RAB6B: variants seen among roughly 807,000 people sequenced by gnomAD.
RAB6B encodes the protein RAB6B, member RAS oncogene family, also known as ras-related protein Rab-6B.
In RAB6B, 7 loss-of-function variants were observed where a neutral mutation model predicts 31.2. The observed-to-expected ratio is 0.22, with a 90% CI of 0.13 to 0.42. The LOEUF (loss-of-function observed/expected upper bound fraction) is 0.42. Ranked by LOEUF, RAB6B falls within the 10% of genes least tolerant of loss-of-function variation. The probability of loss-of-function intolerance (pLI) is 1.00; values close to 1 mark genes in which losing one functional copy is unlikely to be tolerated. For missense variants in RAB6B, 149 were observed against 280.6 expected (o/e 0.53, Z 3.35); for synonymous variants, 105 against 104.9 (o/e 1.00, Z -0.01).
At chr3:133,834,215 G>A (rs1935697964) in intron 7 of RAB6B, among the ~76,000 whole-genome samples, 1 of 152,156 alleles carries the variant, frequency 6.6e-6, no homozygotes, top group Admixed American at 6.5e-5. Context: ...CATATCCCCA[G>A]TGACAGAGAC....
chr3:133,868,565 CAA>C (rs1418544154), intron 1 of RAB6B, among the ~76,000 whole-genome samples: 1 of 152,220 alleles, frequency 6.6e-6, no homozygotes, highest in African/African-American at 2.4e-5. Flanking sequence ...TTTCTGAGGA[CAA>C]AGATTCAGCT....
At chr3:133,880,192 C>T (rs750668013) in intron 1 of RAB6B, among the ~76,000 whole-genome samples, 7 of 152,194 alleles carry the variant, frequency 4.6e-5, no homozygotes, top group Non-Finnish European at 8.8e-5. Flanking sequence ...AGTCTTGGCC[C>T]ATCCAACCAG....
intron 1 of RAB6B, among the ~76,000 whole-genome samples, chr3:133,879,840 G>T (rs1225395041): frequency 6.6e-6 from 1 of 152,212 alleles, no homozygotes; most frequent in African/African-American, 2.4e-5. Context: ...AGCAGCACCA[G>T]CTAGCTTTGA....
chr3:133,829,755 G>A (rs1323692796), intron 7 of RAB6B, among the ~76,000 whole-genome samples: 19 of 152,180 alleles, frequency 1.2e-4, no homozygotes, highest in Admixed American at 1.2e-3. Context: ...ACTATGAAAA[G>A]CCATGCTTCT....
At chr3:133,856,617 A>G (rs1383510181) in intron 2 of RAB6B, among the ~76,000 whole-genome samples, 1 of 152,178 alleles carries the variant, frequency 6.6e-6, no homozygotes, top group African/African-American at 2.4e-5. Context: ...GTACTGGGTG[A>G]GCCCACCAGT....
chr3:133,882,254 A>T (rs181801019), intron 1 of RAB6B, among the ~76,000 whole-genome samples: 61 of 152,348 alleles, frequency 4.0e-4, no homozygotes, highest in African/African-American at 1.3e-3. Context: ...ATAAAGAAAC[A>T]TAATCATGGG....
chr3:133,828,316 C>T lies in RAB6B; in HGVS notation c.*472G>A, dbSNP rs910186349. ...CAGACTGAAGCCTAATTAATTTGCT[C>T]AGTTAATTGTTTTAATTTATTGGGC... On this transcript the variant is annotated 3_prime_UTR_variant, in exon 8 of 8. Coordinates refer to ENST00000285208, the MANE Select transcript of RAB6B (RefSeq NM_016577.4). 6.7e-5 allele frequency: 25 copies of T among 375,374 alleles called. No homozygotes were observed. The highest frequency in any genetic ancestry group is 1.1e-4 in the Non-Finnish European group (23 of 209,042). 23.3% of individuals were successfully genotyped at this position (375,374 alleles called of 1,614,324 possible).
chr3:133,851,950 A>G (rs1314197660), intron 2 of RAB6B, among the ~76,000 whole-genome samples: 1 of 152,156 alleles, frequency 6.6e-6, no homozygotes, highest in Non-Finnish European at 1.5e-5. Flanking sequence ...CAACCACACC[A>G]CTAGAACTAA....
At chr3:133,834,709 G>A in intron 6 of RAB6B, 68 bp from the exon 7 acceptor site, 2 of 1,421,410 alleles carry the variant, frequency 1.4e-6, no homozygotes, top group Non-Finnish European at 2.0e-6. Flanking sequence ...CACTGCACCT[G>A]CACCCTCACC....
Position 133,873,736 on chromosome 3 carries a change from G to C in RAB6B, c.71-9094C>G, listed in dbSNP as rs553831315. Reference sequence around the variant, plus strand: ...GAGTTGACCCTTGAAGAAGGCAAGAGTTGGGGCACTGATACCCTGCATAGT... The same window carrying C: ...GAGTTGACCCTTGAAGAAGGCAAGACTTGGGGCACTGATACCCTGCATAGT... On this transcript the variant is annotated intron_variant, in intron 1 of 7. Transcript: ENST00000285208. Among the ~76,000 whole-genome samples, 197 of 152,354 alleles carry C rather than the reference G, an allele frequency of 1.3e-3. 2 individuals are homozygous for C. The highest frequency in any genetic ancestry group is 4.5e-3 in the African/African-American group (186 of 41,576).
Position 133,895,715 on chromosome 3 carries a change from C to T in RAB6B, c.-249G>A. ...TGGGGCTGGGCTGCTGCGGTCGGCA[C>T]TGGCTGCGGTGCGAGGGGCGCGCTC... is the stretch of plus-strand genomic sequence containing the variant. On this transcript the variant is annotated 5_prime_UTR_variant, in exon 1 of 8. In the 5' UTR this introduces an upstream ATG that the reference lacks. Coordinates refer to ENST00000285208, the MANE Select transcript of RAB6B (RefSeq NM_016577.4). 3.9e-6 allele frequency: 2 copies of T among 513,542 alleles called. No individual in the cohort carries two copies. The highest frequency in any genetic ancestry group is 6.8e-6 in the Non-Finnish European group (2 of 294,968). 31.8% of individuals were successfully genotyped at this position (513,542 alleles called of 1,614,324 possible). A position where few individuals can be genotyped will look rare whatever the true frequency, so the allele number is the denominator to read the frequency against.
At chr3:133,882,494 T>A (rs534885832) in intron 1 of RAB6B, among the ~76,000 whole-genome samples, 2 of 152,328 alleles carry the variant, frequency 1.3e-5, no homozygotes, top group East Asian at 1.9e-4. Context: ...TACTCTTTAC[T>A]CCACCTCTGC....
At chr3:133,849,729 G>C (rs1935951695) in intron 2 of RAB6B, among the ~76,000 whole-genome samples, 1 of 152,162 alleles carries the variant, frequency 6.6e-6, no homozygotes, top group African/African-American at 2.4e-5. Context: ...GAATATTTCT[G>C]GGGGTCACAA....
At chr3:133,870,013 A>G (rs1009238606) in intron 1 of RAB6B, among the ~76,000 whole-genome samples, 5 of 152,186 alleles carry the variant, frequency 3.3e-5, no homozygotes, top group African/African-American at 1.2e-4. Flanking sequence ...AGGTAATCAG[A>G]GCAATAGACC....
intron 5 of RAB6B, 80 bp downstream of exon 5, chr3:133,839,426 G>A: frequency 8.2e-7 from 1 of 1,225,162 alleles, no homozygotes; most frequent in Non-Finnish European, 1.2e-6. Context: ...CACCACCCAT[G>A]CATCCCAGAG....
intron 1 of RAB6B, among the ~76,000 whole-genome samples, chr3:133,877,975 G>C (rs549227636): frequency 1.2e-4 from 18 of 151,770 alleles, no homozygotes; most frequent in Non-Finnish European, 2.6e-4. Context: ...TGAACCTGAA[G>C]ACAGTAATAA....
intron 1 of RAB6B, among the ~76,000 whole-genome samples, chr3:133,894,893 C>T (rs528621883): frequency 1.3e-5 from 2 of 152,332 alleles, no homozygotes; most frequent in African/African-American, 4.8e-5. Flanking sequence ...TGCCCTTTCG[C>T]ATGGTTCCCA....
intron 1 of RAB6B, among the ~76,000 whole-genome samples, chr3:133,869,013 A>C (rs991963824): frequency 6.6e-6 from 1 of 152,174 alleles, no homozygotes; most frequent in Non-Finnish European, 1.5e-5. Context: ...ACAGTAGCAA[A>C]GCGGCAGATC....
chr3:133,843,003 A>C (rs1436400137), intron 2 of RAB6B, among the ~76,000 whole-genome samples: 2 of 152,258 alleles, frequency 1.3e-5, no homozygotes, highest in African/African-American at 4.8e-5. Flanking sequence ...CCCCAGGCTG[A>C]ATGCAAAGGT....
Sources: allele counts gnomAD v4.1 joint callset (sites outside exome capture counted in the v4.1 genomes callset), GRCh38; gene constraint gnomAD v4.1.1; transcripts MANE v1.5; gene names NCBI Gene and HGNC (gene_info 2026-07-23, HGNC 2026-07-21).